The following NAA15 variants were observed in gnomAD, a reference collection of about 807,000 sequenced individuals.
NAA15 encodes the protein N-alpha-acetyltransferase 15, NatA auxiliary subunit.
A neutral mutation model predicts 114.0 loss-of-function variants in NAA15; 34 were observed. That is an observed-to-expected ratio of 0.30 (90% CI 0.23 to 0.40). NAA15 has a LOEUF of 0.40. NAA15 is among the 10% of genes least tolerant of loss of function. NAA15 has a pLI of 1.00. For missense variants in NAA15, 658 were observed against 1,004.5 expected (o/e 0.66, Z 4.66); for synonymous variants, 340 against 338.0 (o/e 1.01, Z -0.06).
intron 19 of NAA15, chr4:139,386,696 A>C (rs1262841473): frequency 6.5e-6 from 1 of 153,314 alleles, no homozygotes; most frequent in East Asian, 1.9e-4. Flanking sequence ...ATGTGGTGGC[A>C]CTGTATTCCC....
chr4:139,341,246 T>G (rs1334615894), intron 4 of NAA15, among the ~76,000 whole-genome samples, 177 bp downstream of exon 4: 1 of 152,064 alleles, frequency 6.6e-6, no homozygotes, highest in Non-Finnish European at 1.5e-5. Flanking sequence ...TAAAAATAAA[T>G]TATTTTATGG....
chr4:139,333,098 T>C (rs1309250115), intron 1 of NAA15, among the ~76,000 whole-genome samples: 3 of 152,216 alleles, frequency 2.0e-5, no homozygotes, highest in East Asian at 1.9e-4. Context: ...ATAGTTGTTA[T>C]ACTGTATTGC....
chr4:139,372,299 A>G (rs1748464689), intron 15 of NAA15, among the ~76,000 whole-genome samples: 1 of 152,176 alleles, frequency 6.6e-6, no homozygotes, highest in African/African-American at 2.4e-5. Context: ...GAATTCTTGT[A>G]CTAGGTTTCC....
intron 1 of NAA15, among the ~76,000 whole-genome samples, chr4:139,307,219 A>G (rs1366674410): frequency 1.3e-5 from 2 of 152,176 alleles, no homozygotes. Flanking sequence ...GATGATGGAA[A>G]TATTTGTTAT....
At position 139,389,280 on chromosome 4, in the gene NAA15, A is replaced by G. The variant is rs1192011286; in HGVS notation, c.*1196A>G. Reference sequence around the variant, plus strand: ...TGTAATTTCCTTTTTGTTGTCAAACATAAGGTACCAAATATGATGCAATAA... The same window carrying G: ...TGTAATTTCCTTTTTGTTGTCAAACGTAAGGTACCAAATATGATGCAATAA... On this transcript the variant is annotated 3_prime_UTR_variant, in exon 20 of 20. Transcript: ENST00000296543. 8 of 150,958 alleles carry G rather than the reference A, an allele frequency of 5.3e-5. No individual in the cohort carries two copies. 9.4% of individuals were successfully genotyped at this position (150,958 alleles called of 1,614,324 possible).
chr4:139,370,460 C>A, intron 15 of NAA15, 56 bp downstream of exon 15: 1 of 1,461,218 alleles, frequency 6.8e-7, no homozygotes, highest in African/African-American at 1.4e-5. Context: ...CAGCTCTTGT[C>A]ATTTTTATAC....
chr4:139,318,116 A>G (rs1560954583), intron 1 of NAA15, among the ~76,000 whole-genome samples: 1 of 152,222 alleles, frequency 6.6e-6, no homozygotes, highest in African/African-American at 2.4e-5. Flanking sequence ...AAAACTTCCA[A>G]AGATAAAGAC....
At chr4:139,343,387 T>G (rs967641742) in intron 5 of NAA15, among the ~76,000 whole-genome samples, 4 of 152,240 alleles carry the variant, frequency 2.6e-5, no homozygotes, top group African/African-American at 9.6e-5. Context: ...TTACTAATTG[T>G]CCTAGTTATA....
Position 139,360,356 on chromosome 4 carries a change from C to T in NAA15, c.1411-144C>T, listed in dbSNP as rs568863533. On this transcript the variant is annotated intron_variant, in intron 12 of 19. Transcript: ENST00000296543. The stretch of plus-strand genomic sequence containing the variant: ...GTAGTTAGAGAATATCAGTTGTTTT[C>T]CCATGTTAACTATTCTTTAAGAATG... The T allele has an allele frequency of 2.7e-4, 157 of 584,730 alleles. 1 individual carries two copies. Among genetic ancestry groups the T allele is most frequent in the South Asian group, 1.5e-3 (38 of 25,418 alleles). 36.2% of individuals were successfully genotyped at this position (584,730 alleles called of 1,614,324 possible). A position where few individuals can be genotyped will look rare whatever the true frequency, so the allele number is the denominator to read the frequency against.
At chr4:139,372,538 C>A (rs1479345716) in intron 15 of NAA15, among the ~76,000 whole-genome samples, 1 of 152,144 alleles carries the variant, frequency 6.6e-6, no homozygotes, top group Non-Finnish European at 1.5e-5. Context: ...GTACATAAGA[C>A]CTTTTTCTTC....
At chr4:139,341,201 A>G (rs1747376067) in intron 4 of NAA15, 132 bp downstream of exon 4, 1 of 599,812 alleles carries the variant, frequency 1.7e-6, no homozygotes, top group Non-Finnish European at 2.6e-6. Flanking sequence ...CTCCTACCAC[A>G]GTGGTTATGT....
At chr4:139,311,452 A>G (rs933196957) in intron 1 of NAA15, among the ~76,000 whole-genome samples, 1 of 152,042 alleles carries the variant, frequency 6.6e-6, no homozygotes, top group Non-Finnish European at 1.5e-5. Flanking sequence ...TACAGAGTAC[A>G]TTAGTGTATG....
intron 19 of NAA15, among the ~76,000 whole-genome samples, chr4:139,387,454 G>A (rs543064414): frequency 6.6e-6 from 1 of 152,262 alleles, no homozygotes; most frequent in South Asian, 2.1e-4. Flanking sequence ...GAGTTTGCTG[G>A]CTGGCTCTAA....
chr4:139,369,227 T>C lies in NAA15; in HGVS notation c.1754-984T>C, dbSNP rs958550664. ...GCAGCACAGACAGAATGAATAATTG[T>C]TTGGCCAGGTTAGAGAAGGCATAAC... is the stretch of plus-strand genomic sequence containing the variant. On this transcript the variant is annotated intron_variant, in intron 14 of 19. Coordinates refer to ENST00000296543, the MANE Select transcript of NAA15 (RefSeq NM_057175.5). Among the ~76,000 whole-genome samples, 3 of 152,208 alleles carry C rather than the reference T, an allele frequency of 2.0e-5. No individual in the cohort carries two copies. In the South Asian group the frequency reaches 6.2e-4, roughly 32 times the overall value.
intron 16 of NAA15, among the ~76,000 whole-genome samples, chr4:139,377,800 A>G (rs1017552672): frequency 1.3e-5 from 2 of 152,222 alleles, no homozygotes; most frequent in African/African-American, 4.8e-5. Flanking sequence ...AGTTTAATAA[A>G]TAGTCCAATA....
intron 1 of NAA15, among the ~76,000 whole-genome samples, chr4:139,314,987 T>C (rs1042605903): frequency 2.5e-5 from 2 of 79,780 alleles, no homozygotes; most frequent in East Asian, 3.6e-4. Context: ...AGAGAAGCGT[T>C]CAGTTCAGTT....
chr4:139,368,822 A>G (rs113768364), intron 14 of NAA15, among the ~76,000 whole-genome samples: 22 of 152,292 alleles, frequency 1.4e-4, no homozygotes, highest in Admixed American at 3.3e-4. Flanking sequence ...TCATTTCTCT[A>G]TATTAACAGA....
chr4:139,341,110 A>G, intron 4 of NAA15, 41 bp downstream of exon 4: 1 of 1,329,564 alleles, frequency 7.5e-7, no homozygotes, highest in East Asian at 2.6e-5. Context: ...TCTAAGGGGA[A>G]AATATGTACA....
chr4:139,372,100 T>G (rs1017299129), intron 15 of NAA15, among the ~76,000 whole-genome samples: 56 of 152,258 alleles, frequency 3.7e-4, no homozygotes, highest in Middle Eastern at 3.4e-3. Context: ...GTATTTTTAG[T>G]AGAGACGGGG....
Sources: allele counts gnomAD v4.1 joint callset (sites outside exome capture counted in the v4.1 genomes callset), GRCh38; gene constraint gnomAD v4.1.1; transcripts MANE v1.5; gene names NCBI Gene and HGNC (gene_info 2026-07-23, HGNC 2026-07-21).